OGA: variants seen among roughly 807,000 people sequenced by gnomAD.
OGA encodes O-GlcNAcase.
In OGA, 21 loss-of-function variants were observed where a neutral mutation model predicts 102.0. The ratio of observed to expected loss-of-function variants is 0.21; its 90% CI spans 0.15 to 0.30. OGA has a LOEUF of 0.30. Ranked by LOEUF, OGA falls within the 10% of genes least tolerant of loss-of-function variation. OGA has a pLI of 1.00. For synonymous variants in OGA, 408 were observed against 378.2 expected, an observed-to-expected ratio of 1.08 and a Z score of -0.91; for missense variants, 765 against 1,107.8, an observed-to-expected ratio of 0.69 and a Z score of 4.39.
At position 101,818,055 on chromosome 10, in the gene OGA, G is replaced by A. The variant is rs761485970; in HGVS notation, c.-33C>T. On this transcript the variant is annotated 5_prime_UTR_variant, in exon 1 of 16. Transcript: ENST00000361464. ...CCCCCGGCCGCTGCCACCTCTGCGG[G>A]TCCTCCTCGACCTCTGTCCGTTGGG... is the stretch of plus-strand genomic sequence containing the variant. 24 of 1,532,402 alleles carry A rather than the reference G, an allele frequency of 1.6e-5. No individual in the cohort carries two copies. Among genetic ancestry groups the A allele is most frequent in the Non-Finnish European group, 6.2e-6 (7 of 1,135,764 alleles). 94.9% of individuals were successfully genotyped at this position (1,532,402 alleles called of 1,614,324 possible). A position where few individuals can be genotyped will look rare whatever the true frequency, so the allele number is the denominator to read the frequency against.
chr10:101,787,826 G>A (rs567634740), intron 14 of OGA: 6 of 246,508 alleles, frequency 2.4e-5, no homozygotes, highest in African/African-American at 1.1e-4. Flanking sequence ...TCCTGGGCTC[G>A]AGTGATCCTT....
At chr10:101,798,567 C>T (rs2065348461) in intron 9 of OGA, among the ~76,000 whole-genome samples, 1 of 152,074 alleles carries the variant, frequency 6.6e-6, no homozygotes, top group South Asian at 2.1e-4. Context: ...GTGCCCGTCA[C>T]CATGCCCGGC....
chr10:101,804,414 A>C (rs958551437), intron 6 of OGA, among the ~76,000 whole-genome samples: 7 of 151,608 alleles, frequency 4.6e-5, no homozygotes, highest in African/African-American at 1.7e-4. Flanking sequence ...CTGGGACTAC[A>C]GGCGCCCTCC....
At chr10:101,813,353 G>A (rs1387278459) in intron 2 of OGA, among the ~76,000 whole-genome samples, 1 of 152,146 alleles carries the variant, frequency 6.6e-6, no homozygotes, top group Non-Finnish European at 1.5e-5. Flanking sequence ...GTAAGGTGAA[G>A]CCCAAAACTT....
chr10:101,817,349 T>C (rs777004483), intron 1 of OGA, among the ~76,000 whole-genome samples: 1 of 152,204 alleles, frequency 6.6e-6, no homozygotes, highest in Non-Finnish European at 1.5e-5. Flanking sequence ...AAAAATATTC[T>C]AAGCCAAGTG....
intron 5 of OGA, 64 bp downstream of exon 5, chr10:101,807,666 T>A: frequency 8.7e-7 from 1 of 1,149,576 alleles, no homozygotes; most frequent in Non-Finnish European, 1.2e-6. Context: ...ATGGGGCCCA[T>A]GGTCCTTTAT....
intron 14 of OGA, 69 bp downstream of exon 14, chr10:101,790,827 T>C (rs774712428): frequency 5.9e-6 from 7 of 1,178,336 alleles, no homozygotes; most frequent in Non-Finnish European, 8.1e-6. Flanking sequence ...GTAAGTACTT[T>C]AATAAAAAAT....
rs919818919 is a variant in OGA, at chr10:101,785,328, A to G, written c.*1123T>C. The stretch of plus-strand genomic sequence containing the variant: ...TTAAAGTGTGCTCATTCATTCAGAA[A>G]TTAGATACAAACATGCAAGAATTAA... On this transcript the variant is annotated 3_prime_UTR_variant, in exon 16 of 16. Coordinates refer to ENST00000361464, the MANE Select transcript of OGA (RefSeq NM_012215.5). 2.0e-5 allele frequency: 3 copies of G among 152,410 alleles called. No individual in the cohort carries two copies. The highest frequency in any genetic ancestry group is 6.5e-5 in the Admixed American group (1 of 15,284). The allele number at this position is 152,410 out of a possible 1,614,324, so 9.4% of individuals were successfully genotyped here. A position where few individuals can be genotyped will look rare whatever the true frequency, so the allele number is the denominator to read the frequency against.
At position 101,810,327 on chromosome 10, in the gene OGA, GTC is replaced by G. The variant is rs780268719; in HGVS notation, c.350-15_350-14del. The G allele has an allele frequency of 2.5e-6, 4 of 1,595,246 alleles. No homozygotes were observed. The African/African-American group carries it at 4.1e-5, about 16-fold the overall frequency. ...GTCATAAGTTGCTCTAAAGAACAGAGTCTATGTTTTTAGAAAGCAGAACAGAA... is the reference window on the plus strand; with the variant it reads ...GTCATAAGTTGCTCTAAAGAACAGAGTATGTTTTTAGAAAGCAGAACAGAA... On this transcript the variant is annotated splice_polypyrimidine_tract_variant and intron_variant, in intron 3 of 15. Transcript: ENST00000361464.
chr10:101,813,960 G>A (rs371697285), intron 1 of OGA, among the ~76,000 whole-genome samples: 3 of 151,784 alleles, frequency 2.0e-5, no homozygotes, highest in East Asian at 3.9e-4. Context: ...TTATAATGGG[G>A]AACGGCAGCA....
At chr10:101,807,263 G>A (rs1211037203) in intron 5 of OGA, among the ~76,000 whole-genome samples, 1 of 152,166 alleles carries the variant, frequency 6.6e-6, no homozygotes, top group Non-Finnish European at 1.5e-5. Flanking sequence ...AAAGAAACCA[G>A]AGGGGCAAAA....
intron 7 of OGA, 46 bp downstream of exon 7, chr10:101,803,689 C>A (rs1484291693): frequency 1.9e-6 from 3 of 1,546,842 alleles, no homozygotes; most frequent in Admixed American, 1.7e-5. Context: ...CTCTAGTTAA[C>A]CCCAGCTCTC....
chr10:101,797,934 A>C (rs1263121686), intron 10 of OGA, 46 bp downstream of exon 10: 10 of 1,565,550 alleles, frequency 6.4e-6, no homozygotes, highest in Admixed American at 1.7e-5. Flanking sequence ...TTTTTTTTAA[A>C]GGGACAATAT....
Position 101,786,348 on chromosome 10 carries a change from C to A in OGA, c.*103G>T. On this transcript the variant is annotated 3_prime_UTR_variant, in exon 16 of 16. Coordinates refer to ENST00000361464, the MANE Select transcript of OGA (RefSeq NM_012215.5). ...TCTTCTTTGTTTCGAATCCAATTGGCTGATTTGTTACCATTCTAGAGGCTG... is the reference window on the plus strand; with the variant it reads ...TCTTCTTTGTTTCGAATCCAATTGGATGATTTGTTACCATTCTAGAGGCTG... 8.3e-7 allele frequency: 1 copy of A among 1,207,508 alleles called. No homozygotes were observed. Among genetic ancestry groups the A allele is most frequent in the Non-Finnish European group, 1.1e-6 (1 of 907,120 alleles). The allele number at this position is 1,207,508 out of a possible 1,614,324, so 74.8% of individuals were successfully genotyped here. A position where few individuals can be genotyped will look rare whatever the true frequency, so the allele number is the denominator to read the frequency against.
At chr10:101,811,445 G>GTAATCC (rs1015646979) in intron 3 of OGA, among the ~76,000 whole-genome samples, 3 of 134,118 alleles carry the variant, frequency 2.2e-5, no homozygotes, top group African/African-American at 8.4e-5. Context: ...AATCACACCT[G>GTAATCC]TAATCCCAGC....
chr10:101,813,445 G>A, intron 2 of OGA, 110 bp downstream of exon 2: 1 of 724,120 alleles, frequency 1.4e-6, no homozygotes, highest in Non-Finnish European at 2.3e-6. Context: ...TTCTGCAATT[G>A]AGAAACCATC....
At chr10:101,789,982 C>A (rs2065237822) in intron 14 of OGA, among the ~76,000 whole-genome samples, 1 of 152,136 alleles carries the variant, frequency 6.6e-6, no homozygotes, top group Non-Finnish European at 1.5e-5. Context: ...CTCAAAACAA[C>A]AACAACATAT....
At chr10:101,798,221 C>T in intron 9 of OGA, 67 bp from the exon 10 acceptor site, 1 of 1,455,052 alleles carries the variant, frequency 6.9e-7, no homozygotes, top group Non-Finnish European at 9.4e-7. Context: ...GACACAGTTA[C>T]ACATTAAGCT....
At chr10:101,800,476 G>GCAA in intron 7 of OGA, 76 bp from the exon 8 acceptor site, 3 of 1,120,328 alleles carry the variant, frequency 2.7e-6, no homozygotes, top group Admixed American at 2.2e-5. Context: ...AAGAATAAAT[G>GCAA]CAACTAGTTT....
Sources: allele counts gnomAD v4.1 joint callset (sites outside exome capture counted in the v4.1 genomes callset), GRCh38; gene constraint gnomAD v4.1.1; transcripts MANE v1.5; gene names NCBI Gene and HGNC (gene_info 2026-07-23, HGNC 2026-07-21).